SLC4A5: variants seen among roughly 807,000 people sequenced by gnomAD.
SLC4A5 encodes solute carrier family 4 member 5.
In SLC4A5, 96 loss-of-function variants were observed where a neutral mutation model predicts 120.4. That is an observed-to-expected ratio of 0.80 (90% CI 0.68 to 0.94). The LOEUF (loss-of-function observed/expected upper bound fraction) is 0.94, where lower values mean the gene tolerates loss of function less well. Among genes scored for constraint, SLC4A5 ranks in the 40% least tolerant of loss-of-function variants. SLC4A5 has a pLI of 0.00. For synonymous variants in SLC4A5, 550 were observed against 571.1 expected, an observed-to-expected ratio of 0.96 and a Z score of 0.53; for missense variants, 1,259 against 1,459.5, an observed-to-expected ratio of 0.86 and a Z score of 2.24.
chr2:74,340,151 T>G (rs1222054601), intron 2 of SLC4A5, among the ~76,000 whole-genome samples: 1 of 152,226 alleles, frequency 6.6e-6, no homozygotes, highest in African/African-American at 2.4e-5. Flanking sequence ...TGAATATAAT[T>G]AATGCCACTG....
At chr2:74,316,969 G>C (rs893953435) in intron 5 of SLC4A5, among the ~76,000 whole-genome samples, 1 of 152,180 alleles carries the variant, frequency 6.6e-6, no homozygotes, top group African/African-American at 2.4e-5. Flanking sequence ...TAAATGTTAT[G>C]GCTCCATCCC....
chr2:74,221,591 C>A, intron 29 of SLC4A5, 90 bp from the exon 30 acceptor site: 2 of 1,329,616 alleles, frequency 1.5e-6, no homozygotes, highest in Non-Finnish European at 2.2e-6. Context: ...TCTTTTCCTT[C>A]TCTAACCCTA....
chr2:74,235,288 G>T, intron 21 of SLC4A5, 74 bp from the exon 22 acceptor site: 1 of 1,109,370 alleles, frequency 9.0e-7, no homozygotes. Context: ...CCAGTCCTCC[G>T]GCAGCAAAGA....
At chr2:74,224,906 C>G in exon 28 of SLC4A5, 1 of 1,613,254 alleles carries the variant, frequency 6.2e-7, no homozygotes, top group Non-Finnish European at 8.5e-7. Flanking sequence ...CCTTTTTTTC[C>G]TTCTCTGGGA....
intron 4 of SLC4A5, among the ~76,000 whole-genome samples, chr2:74,329,030 G>C (rs1246677175): frequency 1.3e-5 from 2 of 152,152 alleles, no homozygotes; most frequent in Non-Finnish European, 2.9e-5. Context: ...CATGCAGGTA[G>C]GCTCCTAGTT....
chr2:74,327,800 T>C (rs1299016561), intron 5 of SLC4A5, among the ~76,000 whole-genome samples: 1 of 152,068 alleles, frequency 6.6e-6, no homozygotes, highest in African/African-American at 2.4e-5. Context: ...AAGAGAAAGA[T>C]TCAGTTCTAT....
chr2:74,276,043 C>T (rs151153152), intron 8 of SLC4A5, among the ~76,000 whole-genome samples: 2 of 152,238 alleles, frequency 1.3e-5, no homozygotes, highest in East Asian at 3.9e-4. Context: ...GCTCCAAGCA[C>T]CCCACAGCCT....
In SLC4A5 at chr2:74,247,425, G is replaced by C. The variant is rs1018298101; in HGVS notation, c.1788-118C>G. On this transcript the variant is annotated intron_variant, in intron 18 of 30. Coordinates refer to ENST00000394019, the Ensembl canonical transcript of SLC4A5. ...TCCTGTGGCACTGATGCCCTCCCAG[G>C]GACTGTGAAAGACTGGGGACAGGGA... is the stretch of plus-strand genomic sequence containing the variant. 7.2e-6 allele frequency: 8 copies of C among 1,104,280 alleles called. No individual in the cohort carries two copies. The South Asian group carries it at 1.3e-4, about 18-fold the overall frequency. 68.4% of individuals were successfully genotyped at this position (1,104,280 alleles called of 1,614,324 possible). A position where few individuals can be genotyped will look rare whatever the true frequency, so the allele number is the denominator to read the frequency against.
At chr2:74,283,607 AT>A (rs1282579370) in intron 8 of SLC4A5, among the ~76,000 whole-genome samples, 1 of 152,102 alleles carries the variant, frequency 6.6e-6, no homozygotes, top group Non-Finnish European at 1.5e-5. Flanking sequence ...AGTGAGGGAG[AT>A]GAGCGAGGGA....
At chr2:74,287,915 T>C (rs550309165) in intron 7 of SLC4A5, among the ~76,000 whole-genome samples, 16 of 152,214 alleles carry the variant, frequency 1.1e-4, no homozygotes, top group Admixed American at 1.0e-3. Context: ...CTGCTTGCCT[T>C]CTTCTTTCTT....
exon 16 of SLC4A5, chr2:74,252,355 C>A: frequency 6.2e-7 from 1 of 1,613,786 alleles, no homozygotes; most frequent in Non-Finnish European, 8.5e-7. Flanking sequence ...AGCCATTCAT[C>A]TGGCCCAGCT....
chr2:74,320,021 C>G (rs13403323), intron 5 of SLC4A5, among the ~76,000 whole-genome samples: 5,980 of 151,896 alleles, frequency 0.039, 397 homozygotes, highest in African/African-American at 0.14. Context: ...CAGAACTTTT[C>G]GAAATTAAAA....
Position 74,265,287 on chromosome 2 carries a change from C to T in SLC4A5, c.402-23G>A, listed in dbSNP as rs867415717. ...CACCTGGAAGGGTAAGGATGGGGCT[C>T]AGTGTGGCCAGGGCCCTCAGGAGGA... On this transcript the variant is annotated intron_variant, in intron 8 of 30. Transcript: ENST00000394019. The T allele has an allele frequency of 6.2e-6, 10 of 1,609,130 alleles. No homozygotes were observed. The African/African-American group carries it at 8.0e-5, about 13-fold the overall frequency.
chr2:74,247,217 G>A (rs1261370749), exon 19 of SLC4A5: 2 of 1,614,108 alleles, frequency 1.2e-6, no homozygotes, highest in East Asian at 2.2e-5. Flanking sequence ...TGATGATAAA[G>A]CTGGCATCTG....
At chr2:74,238,857 A>C (rs1670348823) in intron 21 of SLC4A5, among the ~76,000 whole-genome samples, 1 of 152,242 alleles carries the variant, frequency 6.6e-6, no homozygotes, top group Non-Finnish European at 1.5e-5. Context: ...GATGCCATTA[A>C]GGATGTAAAA....
intron 8 of SLC4A5, among the ~76,000 whole-genome samples, chr2:74,273,877 C>T (rs1671553543): frequency 6.6e-6 from 1 of 152,266 alleles, no homozygotes; most frequent in East Asian, 1.9e-4. Context: ...AAGGGGAACA[C>T]CTGAGGCCGG....
At chr2:74,333,984 C>T (rs964363615) in intron 4 of SLC4A5, 43 bp downstream of exon 4, 5 of 152,186 alleles carry the variant, frequency 3.3e-5, no homozygotes, top group Non-Finnish European at 5.9e-5. Flanking sequence ...TTATCTAGAA[C>T]CTTTACCCAC....
intron 7 of SLC4A5, among the ~76,000 whole-genome samples, chr2:74,297,067 G>A (rs1672352715): frequency 6.6e-6 from 1 of 152,036 alleles, no homozygotes; most frequent in South Asian, 2.1e-4. Flanking sequence ...TCCCAGCGCT[G>A]CTCAATACCT....
chr2:74,248,457 G>A (rs1670688522), exon 18 of SLC4A5: 3 of 1,614,176 alleles, frequency 1.9e-6, no homozygotes, highest in East Asian at 4.5e-5. Context: ...AGCCAGCCAT[G>A]GCAGTGCCCA....
Sources: gnomAD v4.1 joint callset for allele counts (sites outside exome capture counted in the v4.1 genomes callset) on GRCh38, gnomAD v4.1.1 for gene constraint, MANE v1.5 for transcripts, NCBI Gene and HGNC (gene_info 2026-07-23, HGNC 2026-07-21) for gene names.